Variants in BICDL1 observed in about 807,000 individuals in gnomAD.
BICDL1 encodes BICD family-like cargo adapter 1.
BICDL1 carries 20 observed loss-of-function variants against 76.8 expected under a neutral mutation model. The observed-to-expected ratio is 0.26, with a 90% CI of 0.18 to 0.38. The LOEUF (loss-of-function observed/expected upper bound fraction) is 0.38, where lower values mean the gene tolerates loss of function less well. BICDL1 is among the 10% of genes least tolerant of loss of function. BICDL1 has a pLI of 1.00. For missense variants in BICDL1, 700 were observed against 798.6 expected (o/e 0.88, Z 1.49); for synonymous variants, 383 against 337.1 (o/e 1.14, Z -1.49).
chr12:120,014,750 A>G (rs555533903), intron 2 of BICDL1, among the ~76,000 whole-genome samples: 267 of 151,994 alleles, frequency 1.8e-3, no homozygotes, highest in African/African-American at 6.2e-3. Context: ...TGTAATCTCA[A>G]CACTTGGGAG....
In BICDL1 at chr12:120,079,813, T is replaced by A. The variant is rs1257554485; in HGVS notation, c.1453-1074T>A. On this transcript the variant is annotated intron_variant, in intron 7 of 9. Coordinates refer to ENST00000548673, the MANE Select transcript of BICDL1 (RefSeq NM_001367886.1). The surrounding 1 kb of genome is among the most constrained non-coding windows in gnomAD (Gnocchi z 4.3). The stretch of plus-strand genomic sequence containing the variant: ...AGGGACAACAAACAAACTGCCGCCC[T>A]TGTCACTAATTCCTCCCTCGCCTGG... Among the ~76,000 whole-genome samples the A allele has an allele frequency of 6.6e-6, 1 of 152,196 alleles. No homozygotes were observed. Among genetic ancestry groups the A allele is most frequent in the Non-Finnish European group, 1.5e-5 (1 of 68,032 alleles).
Position 119,989,259 on chromosome 12 carries a change from C to T in BICDL1, c.-610C>T, listed in dbSNP as rs1468519785. ...GCAGGAAGGAGCTCGCCGGGTTGCG[C>T]GGCGCGCGATGTGGAGCCGCCGCCT... On this transcript the variant is annotated 5_prime_UTR_variant, in exon 1 of 10. Coordinates refer to ENST00000548673, the MANE Select transcript of BICDL1 (RefSeq NM_001367886.1). Among the ~76,000 whole-genome samples the T allele has an allele frequency of 6.7e-6, 1 of 150,082 alleles. No individual in the cohort carries two copies. The highest frequency in any genetic ancestry group is 6.6e-5 in the Admixed American group (1 of 15,124).
At chr12:120,059,370 A>G (rs1594181262) in intron 2 of BICDL1, among the ~76,000 whole-genome samples, 1 of 152,156 alleles carries the variant, frequency 6.6e-6, no homozygotes, top group Non-Finnish European at 1.5e-5. Flanking sequence ...CCCGTGTCCC[A>G]GTTCAAGCAA....
intron 2 of BICDL1, among the ~76,000 whole-genome samples, chr12:120,036,732 C>T (rs1021620085): frequency 3.3e-5 from 5 of 152,176 alleles, no homozygotes; most frequent in Middle Eastern, 6.8e-3. Flanking sequence ...AAAAATTAGC[C>T]GGGCGTGGTG....
chr12:120,092,194 G>A (rs1337161719), intron 9 of BICDL1: 1 of 985,418 alleles, frequency 1.0e-6, no homozygotes, highest in Non-Finnish European at 1.2e-6. Context: ...AAATGGGAAG[G>A]GAGTGGAGCT....
chr12:120,080,540 C>A (rs1873885893), intron 7 of BICDL1: 1 of 201,116 alleles, frequency 5.0e-6, no homozygotes, highest in Non-Finnish European at 1.0e-5. Flanking sequence ...AACTGTGTGT[C>A]ATGATGACTT....
chr12:120,039,454 A>G (rs1057337235), intron 2 of BICDL1, among the ~76,000 whole-genome samples: 9 of 151,976 alleles, frequency 5.9e-5, no homozygotes, highest in African/African-American at 1.7e-4. Context: ...CCTGACCAAC[A>G]TGGTGAAACC....
rs1875143182 is a variant in BICDL1 at position 120,093,247 on chromosome 12, C to T, written c.*86C>T. On this transcript the variant is annotated 3_prime_UTR_variant, in exon 10 of 10. Coordinates refer to ENST00000548673, the MANE Select transcript of BICDL1 (RefSeq NM_001367886.1). ...GGCAAGGCCTCCCCTGCAGCTTGCA[C>T]CTCAGCAGCTGCCCTGCCCCTCATG... 3 of 1,443,538 alleles carry T rather than the reference C, an allele frequency of 2.1e-6. No homozygotes were observed. The highest frequency in any genetic ancestry group is 1.4e-5 in the African/African-American group (1 of 71,054). The allele number at this position is 1,443,538 out of a possible 1,614,324, so 89.4% of individuals were successfully genotyped here. A position where few individuals can be genotyped will look rare whatever the true frequency, so the allele number is the denominator to read the frequency against.
Position 120,061,723 on chromosome 12 carries a change from A to G in BICDL1, c.659A>G (p.Glu220Gly). The G allele has an allele frequency of 6.2e-7, 1 of 1,613,732 alleles. No individual in the cohort carries two copies. Among genetic ancestry groups the G allele is most frequent in the Non-Finnish European group, 8.5e-7 (1 of 1,179,560 alleles). Residue 220 changes from glutamate (E) to glycine (G), a missense_variant, in exon 3 of 10, where the codon GAG (glutamate) becomes GGG (glycine). By Grantham distance (98) the Glu-to-Gly change is moderately conservative. Coordinates refer to ENST00000548673, the MANE Select transcript of BICDL1 (RefSeq NM_001367886.1). Reference sequence around the variant, plus strand: ...CCTCTGTTTCAGGCATCAGAAGTTGAGAGACAACTCTCCATGCAGGTCCAC... The same window carrying G: ...CCTCTGTTTCAGGCATCAGAAGTTGGGAGACAACTCTCCATGCAGGTCCAC... ...LDQLSRASEV[E>G]RQLSMQVHAL...
intron 2 of BICDL1, among the ~76,000 whole-genome samples, chr12:120,013,826 G>GTC (rs1952008145): frequency 6.6e-6 from 1 of 152,154 alleles, no homozygotes; most frequent in Non-Finnish European, 1.5e-5. Context: ...ATCCAGAAAA[G>GTC]TCTCATTGAT....
At chr12:120,066,660 T>C (rs1392232236) in intron 4 of BICDL1, among the ~76,000 whole-genome samples, 1 of 152,220 alleles carries the variant, frequency 6.6e-6, no homozygotes, top group East Asian at 1.9e-4. Flanking sequence ...ACTCAACTGA[T>C]TTGGAAAATC....
chr12:120,075,497 A>T (rs201351522), intron 7 of BICDL1, among the ~76,000 whole-genome samples: 1 of 151,924 alleles, frequency 6.6e-6, no homozygotes, highest in Non-Finnish European at 1.5e-5. Context: ...GGCTCAAGCA[A>T]TCCTTCCACC....
intron 2 of BICDL1, among the ~76,000 whole-genome samples, chr12:120,033,914 G>A (rs1265053806): frequency 6.6e-6 from 1 of 152,160 alleles, no homozygotes; most frequent in East Asian, 1.9e-4. Context: ...CTGGACTGTG[G>A]TGGTGATGTG....
chr12:120,020,321 G>A (rs1391621580), intron 2 of BICDL1, among the ~76,000 whole-genome samples: 1 of 152,230 alleles, frequency 6.6e-6, no homozygotes, highest in Non-Finnish European at 1.5e-5. Flanking sequence ...CTCTTAATTG[G>A]CCGAAGGCGG....
At chr12:120,021,479 A>G (rs1456982888) in intron 2 of BICDL1, among the ~76,000 whole-genome samples, 2 of 143,522 alleles carry the variant, frequency 1.4e-5, no homozygotes, top group Non-Finnish European at 3.0e-5. Context: ...CCCAGCTGCT[A>G]GGGAGGCTGA....
intron 2 of BICDL1, among the ~76,000 whole-genome samples, chr12:120,052,294 T>TCTTC (rs1453140885): frequency 2.0e-5 from 3 of 150,436 alleles, no homozygotes; most frequent in African/African-American, 7.4e-5. Context: ...ACTTTTTCTT[T>TCTTC]CTTCCTTCCT....
chr12:120,010,742 T>C (rs1951937090), intron 2 of BICDL1, among the ~76,000 whole-genome samples: 1 of 152,230 alleles, frequency 6.6e-6, no homozygotes, highest in South Asian at 2.1e-4. Context: ...AAAGTGTTTT[T>C]TTTTATCTGA....
At chr12:120,010,143 C>T (rs74767983) in intron 2 of BICDL1, among the ~76,000 whole-genome samples, 3,537 of 152,312 alleles carry the variant, frequency 0.023, 147 homozygotes, top group African/African-American at 0.081. Context: ...TGTGTGGAGA[C>T]GCCAGCCTGC....
intron 2 of BICDL1, among the ~76,000 whole-genome samples, chr12:120,060,881 G>C (rs909118586): frequency 6.6e-6 from 1 of 152,100 alleles, no homozygotes; most frequent in Non-Finnish European, 1.5e-5. Flanking sequence ...TCCAGCACAC[G>C]GTGATCTCTC....
Sources: gnomAD v4.1 joint callset for allele counts (sites outside exome capture counted in the v4.1 genomes callset) on GRCh38, gnomAD v4.1.1 for gene constraint, Gnocchi (gnomAD v3.1) non-coding constraint, MANE v1.5 for transcripts, NCBI Gene and HGNC (gene_info 2026-07-23, HGNC 2026-07-21) for gene names.